The following XRRA1 variants were observed in gnomAD, a reference collection of about 807,000 sequenced individuals.
XRRA1 encodes X-ray radiation resistance associated 1, also known as X-ray radiation resistance-associated protein 1.
A neutral mutation model predicts 80.2 loss-of-function variants in XRRA1; 69 were observed. The ratio of observed to expected loss-of-function variants is 0.86; its 90% CI spans 0.71 to 1.05. The LOEUF (loss-of-function observed/expected upper bound fraction) is 1.05, where lower values mean the gene tolerates loss of function less well. Ranked by LOEUF, XRRA1 falls within the 50% of genes least tolerant of loss-of-function variation. The pLI is 0.00. For missense variants in XRRA1, 967 were observed against 976.4 expected, an observed-to-expected ratio of 0.99 and a Z score of 0.13; for synonymous variants, 348 against 389.9, an observed-to-expected ratio of 0.89 and a Z score of 1.27.
chr11:74,885,049 A>G (rs2048691095), intron 10 of XRRA1, among the ~76,000 whole-genome samples: 1 of 152,166 alleles, frequency 6.6e-6, no homozygotes, highest in African/African-American at 2.4e-5. Flanking sequence ...TGGTTTCTTG[A>G]GCTCAGGAGT....
intron 10 of XRRA1, among the ~76,000 whole-genome samples, chr11:74,880,788 A>G (rs2136666299): frequency 6.6e-6 from 1 of 151,662 alleles, no homozygotes; most frequent in African/African-American, 2.4e-5. Flanking sequence ...GAGATTCTTA[A>G]TCCTGAGTTC....
At chr11:74,937,655 T>C (rs2139778930) in intron 3 of XRRA1, among the ~76,000 whole-genome samples, 1 of 151,328 alleles carries the variant, frequency 6.6e-6, no homozygotes, top group Non-Finnish European at 1.5e-5. Flanking sequence ...AATTTTAAAA[T>C]GTGTATAAGC....
intron 15 of XRRA1, 139 bp downstream of exon 15, chr11:74,847,976 A>G (rs571446): frequency 0.56 from 417,718 of 748,312 alleles, 121,170 homozygotes; most frequent in East Asian, 0.82. Context: ...TGCAAGCTCC[A>G]CCAAGGGTGC....
At chr11:74,933,174 T>C (rs1405477767) in intron 5 of XRRA1, 1 of 152,186 alleles carries the variant, frequency 6.6e-6, no homozygotes, top group Non-Finnish European at 1.5e-5. Flanking sequence ...GGTCTTGTGA[T>C]GGGAACTCAG....
rs147845527 is a variant in XRRA1 at position 74,862,295 on chromosome 11, A to G, written c.1044+686T>C. Among the ~76,000 whole-genome samples, 297 of 152,330 alleles carry G rather than the reference A, an allele frequency of 1.9e-3. 7 individuals are homozygous for G. The East Asian group carries it at 0.035, about 18-fold the overall frequency. On this transcript the variant is annotated intron_variant, in intron 11 of 18. Transcript: ENST00000684022. The stretch of plus-strand genomic sequence containing the variant: ...TCGACTCAATTGTGAGTGGTGAAAA[A>G]TAATGAATTGTTATTGGGTTGGTTT...
chr11:74,892,927 G>C (rs1326721834), intron 10 of XRRA1, among the ~76,000 whole-genome samples: 1 of 152,220 alleles, frequency 6.6e-6, no homozygotes, highest in East Asian at 1.9e-4. Context: ...AGAGGATGTG[G>C]AGAAATAGGA....
At chr11:74,845,490 A>C (rs2037841013) in intron 15 of XRRA1, among the ~76,000 whole-genome samples, 1 of 152,256 alleles carries the variant, frequency 6.6e-6, no homozygotes, top group South Asian at 2.1e-4. Context: ...AGGAAGCCCC[A>C]ACCTAGCCAA....
chr11:74,920,188 T>G (rs1230526749), intron 8 of XRRA1, among the ~76,000 whole-genome samples: 2 of 152,210 alleles, frequency 1.3e-5, no homozygotes, highest in African/African-American at 4.8e-5. Flanking sequence ...ACTGACCTCA[T>G]GATTTTTCAC....
At chr11:74,919,715 T>G in intron 8 of XRRA1, 1 of 499,180 alleles carries the variant, frequency 2.0e-6, no homozygotes, top group African/African-American at 2.0e-5. Context: ...AGCATGCCCC[T>G]TGAGCACTCA....
At chr11:74,880,658 T>G (rs572967321) in intron 10 of XRRA1, among the ~76,000 whole-genome samples, 3,062 of 151,564 alleles carry the variant, frequency 0.02, 90 homozygotes, top group African/African-American at 0.071. Context: ...TCTGGTATGT[T>G]GTGTCTTTGT....
intron 12 of XRRA1, 56 bp from the exon 13 acceptor site, chr11:74,852,138 G>T: frequency 1.4e-6 from 2 of 1,421,846 alleles, no homozygotes; most frequent in South Asian, 1.2e-5. Flanking sequence ...CCTCTACCCA[G>T]GTATGTCTAG....
chr11:74,907,317 A>C (rs762970122), intron 8 of XRRA1, 44 bp from the exon 9 acceptor site: 13 of 1,609,134 alleles, frequency 8.1e-6, no homozygotes, highest in Non-Finnish European at 1.1e-5. Context: ...GTCGAGGGAC[A>C]AATTCCACCA....
chr11:74,926,180 G>C (rs747202411), intron 7 of XRRA1, among the ~76,000 whole-genome samples: 1 of 152,200 alleles, frequency 6.6e-6, no homozygotes, highest in Non-Finnish European at 1.5e-5. Context: ...TGGAGAGAAG[G>C]TTCCATTACA....
intron 1 of XRRA1, 74 bp from the exon 2 acceptor site, chr11:74,945,159 A>T (rs1319655635): frequency 6.6e-6 from 1 of 152,424 alleles, no homozygotes; most frequent in Non-Finnish European, 1.5e-5. Flanking sequence ...ATTATATTCT[A>T]CTGTGAGCCT....
rs1236940929 is a variant in XRRA1, at chr11:74,845,193, C to A, written c.1807G>T (p.Ala603Ser). The A allele has an allele frequency of 6.2e-7, 1 of 1,614,064 alleles. No individual in the cohort carries two copies. The highest frequency in any genetic ancestry group is 8.5e-7 in the Non-Finnish European group (1 of 1,179,900). The change falls in exon 16 of 19, where the codon GCA becomes TCA. Residue 603 changes from alanine (A) to serine (S), a missense_variant. Ala to Ser is a moderately conservative substitution (Grantham distance 99). Coordinates refer to ENST00000684022, the MANE Select transcript of XRRA1 (RefSeq NM_001378157.1). ...CGAGTCCCTTTCACCTCTCTGGGTG[C>A]CGTTGGTGGTTTCTTTTGGTCTTTC... ...KEKDQKKPPT[A>S]PREVKGTRRK...
chr11:74,863,632 A>G (rs662062), intron 10 of XRRA1: 27,342 of 152,768 alleles, frequency 0.18, 2,713 homozygotes, highest in South Asian at 0.38. Context: ...GCTGAGTTCA[A>G]CCTAACACAG....
At chr11:74,846,063 G>A (rs2038051114) in intron 15 of XRRA1, 1 of 152,062 alleles carries the variant, frequency 6.6e-6, no homozygotes, top group African/African-American at 2.4e-5. Flanking sequence ...CCAGGAGTGG[G>A]AGACCACCAG....
At chr11:74,910,185 C>A (rs919452578) in intron 8 of XRRA1, among the ~76,000 whole-genome samples, 1 of 152,170 alleles carries the variant, frequency 6.6e-6, no homozygotes, top group African/African-American at 2.4e-5. Flanking sequence ...AGAACACCAA[C>A]TGTGCAAACA....
rs2051660714 is a variant in XRRA1 at position 74,894,388 on chromosome 11, TTGTACA to T, written c.1003+11845_1003+11850del. Among the ~76,000 whole-genome samples, 4 of 152,142 alleles carry T rather than the reference TTGTACA, an allele frequency of 2.6e-5. No homozygotes were observed. In the South Asian group the frequency reaches 8.3e-4, roughly 32 times the overall value. ...CATGCAATTTACCTATATAATGAACTTGTACATGTACCCCATGTTAGTCCGTTCTCA... is the reference window on the plus strand; with the variant it reads ...CATGCAATTTACCTATATAATGAACTTGTACCCCATGTTAGTCCGTTCTCA... On this transcript the variant is annotated intron_variant, in intron 10 of 18. Transcript: ENST00000684022.
Sources: gnomAD v4.1 joint callset for allele counts (sites outside exome capture counted in the v4.1 genomes callset) on GRCh38, gnomAD v4.1.1 for gene constraint, MANE v1.5 for transcripts, NCBI Gene and HGNC (gene_info 2026-07-23, HGNC 2026-07-21) for gene names.